The following GPT variants were observed in gnomAD, a reference collection of about 807,000 sequenced individuals.
GPT encodes glutamic--pyruvic transaminase, also known as alanine aminotransferase 1.
In GPT, 60 loss-of-function variants were observed where a neutral mutation model predicts 51.4. That is an observed-to-expected ratio of 1.17 (90% CI 0.95 to 1.45). The LOEUF (loss-of-function observed/expected upper bound fraction) is 1.45. Among genes scored for constraint, GPT ranks in the 40% most tolerant of loss-of-function variants. The pLI, the probability that GPT is intolerant of heterozygous loss-of-function variation, is 0.00. For synonymous variants in GPT, 397 were observed against 303.1 expected, an observed-to-expected ratio of 1.31 and a Z score of -3.22; for missense variants, 853 against 704.0, an observed-to-expected ratio of 1.21 and a Z score of -2.40.
At position 144,507,112 on chromosome 8, in the gene GPT, G is replaced by GGGGGGGGGGGGGGGGGGC; in HGVS notation, c.*114_*115insGGGGGGGGGGGGGGGCGG. The GGGGGGGGGGGGGGGGGGC allele has an allele frequency of 1.9e-6, 1 of 533,734 alleles. No individual in the cohort carries two copies. Among genetic ancestry groups the GGGGGGGGGGGGGGGGGGC allele is most frequent in the East Asian group, 4.7e-5 (1 of 21,286 alleles). The allele number at this position is 533,734 out of a possible 1,614,324, so 33.1% of individuals were successfully genotyped here. ...GATGCCTGGCGGGGTGGGGTGGGGG[G>GGGGGGGGGGGGGGGGGGC]GGTGCTGGGCCCCTGCCTCTCTGCA... On this transcript the variant is annotated 3_prime_UTR_variant, in exon 11 of 11. Transcript: ENST00000394955.
At position 144,506,662 on chromosome 8, in the gene GPT, G is replaced by T; in HGVS notation, c.1287+6G>T. ...GGGCGGTGGAGCGCGCTCAGGTCAG[G>T]CGGGGGCGGGGCCTGCGGGGTGGGC... On this transcript the variant is annotated splice_donor_region_variant and intron_variant, in intron 9 of 10. Coordinates refer to ENST00000394955, the MANE Select transcript of GPT (RefSeq NM_005309.3). This position sits in a 1 kb window ranked among gnomAD's most constrained non-coding sequence, Gnocchi z 7.0. 2 of 1,558,892 alleles carry T rather than the reference G, an allele frequency of 1.3e-6. No individual in the cohort carries two copies. The highest frequency in any genetic ancestry group is 1.7e-6 in the Non-Finnish European group (2 of 1,151,638).
upstream of GPT, chr8:144,503,814 G>A (rs150134930): frequency 7.5e-5 from 14 of 187,190 alleles, no homozygotes; most frequent in Admixed American, 3.8e-4. Flanking sequence ...CTCCAGTCTC[G>A]CCTCGGGGGT....
At chr8:144,503,412 C>T (rs1415845751), upstream of GPT, among the ~76,000 whole-genome samples, 3 of 152,178 alleles carry the variant, frequency 2.0e-5, no homozygotes, top group Admixed American at 2.0e-4. Context: ...GGCTGGAGAG[C>T]TCAGGTCACC....
chr8:144,506,886 T>C lies in GPT; in HGVS notation c.1401-24T>C. The C allele has an allele frequency of 6.2e-7, 1 of 1,612,224 alleles. No individual in the cohort carries two copies. The highest frequency in any genetic ancestry group is 1.3e-5 in the African/African-American group (1 of 75,060). ...CTCCCTGTCCCGCCACCCTGGCCCT[T>C]CACTCACTGTCAACTCCTTTCAGGA... On this transcript the variant is annotated intron_variant, in intron 10 of 10. Transcript: ENST00000394955. This position sits in a 1 kb window ranked among gnomAD's most constrained non-coding sequence, Gnocchi z 7.0.
Position 144,506,425 on chromosome 8 carries a change from G to A in GPT, c.1131+19G>A, listed in dbSNP as rs201688778. The A allele has an allele frequency of 5.8e-6, 9 of 1,562,264 alleles. No individual in the cohort carries two copies. In the East Asian group the frequency reaches 7.1e-5, roughly 12 times the overall value. ...CCAGGCTGTGAGTTGGGGGCAGGAGGGGGTCCAGGTGACCTAATCAGGGGT... is the reference window on the plus strand; with the variant it reads ...CCAGGCTGTGAGTTGGGGGCAGGAGAGGGTCCAGGTGACCTAATCAGGGGT... On this transcript the variant is annotated intron_variant, in intron 8 of 10. Coordinates refer to ENST00000394955, the MANE Select transcript of GPT (RefSeq NM_005309.3). The surrounding 1 kb of genome is among the most constrained non-coding windows in gnomAD (Gnocchi z 7.0).
Position 144,506,188 on chromosome 8 carries a change from C to G in GPT, c.957-44C>G, listed in dbSNP as rs747080189. 6.2e-7 allele frequency: 1 copy of G among 1,600,988 alleles called. No homozygotes were observed. Among genetic ancestry groups the G allele is most frequent in the Non-Finnish European group, 8.5e-7 (1 of 1,174,990 alleles). Reference sequence around the variant, plus strand: ...GGGCCATGGCCAGGCCCTCCTCGCCCGATGGGCCACCCCCTCCTCCGCACC... The same window carrying G: ...GGGCCATGGCCAGGCCCTCCTCGCCGGATGGGCCACCCCCTCCTCCGCACC... On this transcript the variant is annotated intron_variant, in intron 7 of 10. Coordinates refer to ENST00000394955, the MANE Select transcript of GPT (RefSeq NM_005309.3). This position sits in a 1 kb window ranked among gnomAD's most constrained non-coding sequence, Gnocchi z 7.0.
At position 144,505,063 on chromosome 8, in the gene GPT, C is replaced by G; in HGVS notation, c.427C>G (p.Arg143Gly). The change falls in exon 4 of 11, where the codon CGT becomes GGT. Residue 143 changes from arginine to glycine, a missense_variant. Coordinates refer to ENST00000394955, the MANE Select transcript of GPT (RefSeq NM_005309.3). Reference sequence around the variant, plus strand: ...GGACGTGGCGCGGTACATTGAGAGGCGTGACGGAGGCATCCCTGCGGACCC... The same window carrying G: ...GGACGTGGCGCGGTACATTGAGAGGGGTGACGGAGGCATCCCTGCGGACCC... ...REDVARYIERRDGGIPADPNN... is the reference protein window; with the variant it reads ...REDVARYIERGDGGIPADPNN... 1 of 1,613,166 alleles carries G rather than the reference C, an allele frequency of 6.2e-7. No individual in the cohort carries two copies. Among genetic ancestry groups the G allele is most frequent in the Non-Finnish European group, 8.5e-7 (1 of 1,179,994 alleles).
In GPT at chr8:144,504,316, C is replaced by G. The variant is rs377414458; in HGVS notation, c.12C>G (p.Ser4Arg). 3.1e-6 allele frequency: 5 copies of G among 1,609,248 alleles called. No homozygotes were observed. The African/African-American group carries it at 6.7e-5, about 21-fold the overall frequency. ...GTCTGGGTAGAGTCATGGCCTCGAG[C>G]ACAGGTGACCGGAGCCAGGCGGTGA... The part of the protein sequence containing the change: MAS[S>R]TGDRSQAVRH... The change falls in exon 1 of 11, where the codon AGC becomes AGG. Residue 4 changes from serine (S) to arginine (R), a missense_variant. By Grantham distance (110) the Ser-to-Arg change is moderately radical (BLOSUM62 -1). Transcript: ENST00000394955.
chr8:144,506,625 A>G lies in GPT; in HGVS notation c.1256A>G (p.Gln419Arg). 1.3e-6 allele frequency: 2 copies of G among 1,548,846 alleles called. No homozygotes were observed. Among genetic ancestry groups the G allele is most frequent in the Non-Finnish European group, 1.7e-6 (2 of 1,145,844 alleles). The change falls in exon 9 of 11, where the codon CAG (glutamine) becomes CGG (arginine). Residue 419 changes from glutamine to arginine, a missense_variant. Physicochemically the swap from Gln to Arg is conservative, Grantham distance 43. Transcript: ENST00000394955. The surrounding 1 kb of genome is among the most constrained non-coding windows in gnomAD (Gnocchi z 7.0). ...QGAMYSFPRV[Q>R]LPPRAVERAQ... ...GCCATGTACTCCTTCCCGCGCGTGC[A>G]GCTGCCCCCGCGGGCGGTGGAGCGC...
At position 144,506,155 on chromosome 8, in the gene GPT, G is replaced by T; in HGVS notation, c.956+24G>T. On this transcript the variant is annotated intron_variant, in intron 7 of 10. Transcript: ENST00000394955. The surrounding 1 kb of genome is among the most constrained non-coding windows in gnomAD (Gnocchi z 7.0). ...GAGTGCGTGCGTACGAGGCGGGTGG[G>T]GGCTCGCGGGCCATGGCCAGGCCCT... is the stretch of plus-strand genomic sequence containing the variant. 6.2e-7 allele frequency: 1 copy of T among 1,606,184 alleles called. No homozygotes were observed. Among genetic ancestry groups the T allele is most frequent in the East Asian group, 2.2e-5 (1 of 44,636 alleles).
In GPT at chr8:144,506,884, C is replaced by T; in HGVS notation, c.1401-26C>T. On this transcript the variant is annotated intron_variant, in intron 10 of 10. Coordinates refer to ENST00000394955, the MANE Select transcript of GPT (RefSeq NM_005309.3). This position sits in a 1 kb window ranked among gnomAD's most constrained non-coding sequence, Gnocchi z 7.0. Reference sequence around the variant, plus strand: ...CACTCCCTGTCCCGCCACCCTGGCCCTTCACTCACTGTCAACTCCTTTCAG... The same window carrying T: ...CACTCCCTGTCCCGCCACCCTGGCCTTTCACTCACTGTCAACTCCTTTCAG... 6.2e-7 allele frequency: 1 copy of T among 1,612,290 alleles called. No individual in the cohort carries two copies. The highest frequency in any genetic ancestry group is 1.3e-5 in the African/African-American group (1 of 75,056).
Position 144,506,364 on chromosome 8 carries a change from C to G in GPT, c.1089C>G (p.Ser363Arg). ...PGQALLDLVVSPPAPTDPSFA... is the reference protein window; with the variant it reads ...PGQALLDLVVRPPAPTDPSFA... ...AGGCCCTGCTGGACCTGGTGGTCAG[C>G]CCGCCCGCGCCCACCGACCCCTCCT... Residue 363 changes from serine to arginine, a missense_variant, in exon 8 of 11, where the codon AGC (serine) becomes AGG (arginine). Ser to Arg is a moderately radical substitution (Grantham distance 110). Transcript: ENST00000394955. This position sits in a 1 kb window ranked among gnomAD's most constrained non-coding sequence, Gnocchi z 7.0. 1 of 1,563,284 alleles carries G rather than the reference C, an allele frequency of 6.4e-7. No homozygotes were observed. The highest frequency in any genetic ancestry group is 2.4e-5 in the East Asian group (1 of 42,360).
At position 144,505,915 on chromosome 8, in the gene GPT, G is replaced by A. The variant is rs760399550; in HGVS notation, c.807G>A (p.Leu269=). 3.7e-6 allele frequency: 6 copies of A among 1,605,762 alleles called. No homozygotes were observed. The highest frequency in any genetic ancestry group is 5.1e-6 in the Non-Finnish European group (6 of 1,176,988). ...IRFAFEERLF[L]LADEVYQDNV... Reference sequence around the variant, plus strand: ...TCGCCTTCGAAGAGCGGCTCTTTCTGCTGGCGGACGAGGTGCGCGGCGCGG... The same window carrying A: ...TCGCCTTCGAAGAGCGGCTCTTTCTACTGGCGGACGAGGTGCGCGGCGCGG... Residue 269 remains leucine (L), a synonymous_variant, in exon 6 of 11, where the codon CTG becomes CTA. Transcript: ENST00000394955.
Position 144,507,074 on chromosome 8 carries a change from T to C in GPT, c.*74T>C, listed in dbSNP as rs1826850537. The C allele has an allele frequency of 2.7e-6, 2 of 751,448 alleles. No individual in the cohort carries two copies. Among genetic ancestry groups the C allele is most frequent in the South Asian group, 1.4e-5 (1 of 73,050 alleles). The allele number at this position is 751,448 out of a possible 1,614,324, so 46.5% of individuals were successfully genotyped here. A position where few individuals can be genotyped will look rare whatever the true frequency, so the allele number is the denominator to read the frequency against. Reference sequence around the variant, plus strand: ...AGCCCTGGGAGGCTCTGGAGCCCACTGTACTTGCTCTTGATGCCTGGCGGG... The same window carrying C: ...AGCCCTGGGAGGCTCTGGAGCCCACCGTACTTGCTCTTGATGCCTGGCGGG... On this transcript the variant is annotated 3_prime_UTR_variant, in exon 11 of 11. Transcript: ENST00000394955.
In GPT at chr8:144,505,791, C is replaced by A. The variant is rs879029278; in HGVS notation, c.740-57C>A. On this transcript the variant is annotated intron_variant, in intron 5 of 10. Coordinates refer to ENST00000394955, the MANE Select transcript of GPT (RefSeq NM_005309.3). Reference sequence around the variant, plus strand: ...GGTCCGCTGGACCCCGGCTGCCCAGCGGAGGGCAGTGCGCCCCCTTGGCTC... The same window carrying A: ...GGTCCGCTGGACCCCGGCTGCCCAGAGGAGGGCAGTGCGCCCCCTTGGCTC... The A allele has an allele frequency of 4.6e-5, 69 of 1,508,280 alleles. 1 individual carries two copies. The highest frequency in any genetic ancestry group is 2.2e-4 in the East Asian group (9 of 40,586). 93.4% of individuals were successfully genotyped at this position (1,508,280 alleles called of 1,614,324 possible).
Position 144,506,988 on chromosome 8 carries a change from C to G in GPT, c.1479C>G (p.Leu493=), listed in dbSNP as rs111681499. 7.4e-6 allele frequency: 12 copies of G among 1,611,752 alleles called. No homozygotes were observed. Among genetic ancestry groups the G allele is most frequent in the Admixed American group, 3.3e-5 (2 of 59,966 alleles). ...KLSRFHAKFT[L]EYS is the part of the protein sequence containing the mutation. ...GCAGGTTCCATGCCAAGTTCACCCT[C>G]GAGTACTCCTGAGCACCCCAGCTGG... Residue 493 remains leucine, a synonymous_variant, in exon 11 of 11, where the codon CTC becomes CTG. Transcript: ENST00000394955. The surrounding 1 kb of genome is among the most constrained non-coding windows in gnomAD (Gnocchi z 7.0).
rs1414112948 is a variant in GPT, at chr8:144,507,163, T to G, written c.*163T>G. The G allele has an allele frequency of 1.6e-5, 11 of 668,048 alleles. No homozygotes were observed. Among genetic ancestry groups the G allele is most frequent in the Non-Finnish European group, 2.4e-5 (9 of 368,062 alleles). 41.4% of individuals were successfully genotyped at this position (668,048 alleles called of 1,614,324 possible). On this transcript the variant is annotated 3_prime_UTR_variant, in exon 11 of 11. Coordinates refer to ENST00000394955, the MANE Select transcript of GPT (RefSeq NM_005309.3). ...GGTCCCTAATAAAGCTGTGTGGCAG[T>G]CTGACTCCAGGGAGGAAGCGTTGGC...
Position 144,505,109 on chromosome 8 carries a change from C to A in GPT, c.473C>A (p.Thr158Lys). The A allele has an allele frequency of 6.2e-7, 1 of 1,613,108 alleles. No individual in the cohort carries two copies. The highest frequency in any genetic ancestry group is 8.5e-7 in the Non-Finnish European group (1 of 1,180,012). The change falls in exon 4 of 11, where the codon ACA becomes AAA. Residue 158 changes from threonine (T) to lysine (K), a missense_variant. Transcript: ENST00000394955. Reference protein sequence around the residue: ...PADPNNVFLSTGASDAIVTVL... With the variant: ...PADPNNVFLSKGASDAIVTVL... ...GACCCCAACAACGTCTTCCTGTCCA[C>A]AGGGGCCAGCGATGCCATCGTGGTA...
At position 144,506,672 on chromosome 8, in the gene GPT, G is replaced by A. The variant is rs780720685; in HGVS notation, c.1287+16G>A. On this transcript the variant is annotated intron_variant, in intron 9 of 10. Coordinates refer to ENST00000394955, the MANE Select transcript of GPT (RefSeq NM_005309.3). This position sits in a 1 kb window ranked among gnomAD's most constrained non-coding sequence, Gnocchi z 7.0. ...GCGCGCTCAGGTCAGGCGGGGGCGG[G>A]GCCTGCGGGGTGGGCAGGGGGGGCC... 5.7e-6 allele frequency: 9 copies of A among 1,566,950 alleles called. No individual in the cohort carries two copies. In the East Asian group the frequency reaches 1.9e-4, roughly 32 times the overall value.
Sources: allele counts gnomAD v4.1 joint callset (sites outside exome capture counted in the v4.1 genomes callset), GRCh38; gene constraint gnomAD v4.1.1; non-coding constraint Gnocchi (gnomAD v3.1); transcripts MANE v1.5; gene names NCBI Gene and HGNC (gene_info 2026-07-23, HGNC 2026-07-21).